Variants in RCSD1 observed in about 807,000 individuals in gnomAD.
The protein encoded by RCSD1 is capZ-interacting protein.
RCSD1 carries 26 observed loss-of-function variants against 42.5 expected under a neutral mutation model. The ratio of observed to expected loss-of-function variants is 0.61; its 90% CI spans 0.45 to 0.85. The LOEUF (loss-of-function observed/expected upper bound fraction) is 0.85. Ranked by LOEUF, RCSD1 falls within the 40% of genes least tolerant of loss-of-function variation. The probability of loss-of-function intolerance (pLI) is 0.00; values close to 1 mark genes in which losing one functional copy is unlikely to be tolerated. For missense variants in RCSD1, 571 were observed against 528.3 expected (o/e 1.08, Z -0.79); for synonymous variants, 220 against 212.2 (o/e 1.04, Z -0.32).
At chr1:167,698,098 G>A (rs374426518) in intron 6 of RCSD1, among the ~76,000 whole-genome samples, 80 of 152,308 alleles carry the variant, frequency 5.3e-4, no homozygotes, top group African/African-American at 1.9e-3. Flanking sequence ...AAGCTTCTGG[G>A]TGTGTGTGAG....
chr1:167,657,383 G>A (rs1269220034), intron 1 of RCSD1, among the ~76,000 whole-genome samples: 2 of 152,182 alleles, frequency 1.3e-5, no homozygotes, highest in African/African-American at 4.8e-5. Context: ...ATGCTGAGAT[G>A]ACAGGGCCCA....
chr1:167,658,693 AG>A (rs1329567094), intron 1 of RCSD1, among the ~76,000 whole-genome samples: 9 of 152,064 alleles, frequency 5.9e-5, no homozygotes, highest in Non-Finnish European at 5.9e-5. Flanking sequence ...GGCCTCCCAA[AG>A]TGCTGGGATT....
chr1:167,671,231 G>A (rs1473473139), intron 1 of RCSD1, among the ~76,000 whole-genome samples: 1 of 152,128 alleles, frequency 6.6e-6, no homozygotes, highest in Non-Finnish European at 1.5e-5. Context: ...TCCTCTAAAT[G>A]TGGGCTATGC....
chr1:167,634,271 C>A (rs761361946), intron 1 of RCSD1, among the ~76,000 whole-genome samples: 2 of 152,124 alleles, frequency 1.3e-5, no homozygotes, highest in Non-Finnish European at 1.5e-5. Context: ...ACTGTCACCC[C>A]GGAAGGCTCC....
intron 1 of RCSD1, among the ~76,000 whole-genome samples, chr1:167,665,950 T>C (rs12736872): frequency 0.061 from 9,317 of 152,238 alleles, 306 homozygotes; most frequent in African/African-American, 0.091. Flanking sequence ...TAGCTGAGAT[T>C]ACAGGCGTGT....
chr1:167,650,826 G>A (rs1397127109), intron 1 of RCSD1, among the ~76,000 whole-genome samples: 1 of 152,200 alleles, frequency 6.6e-6, no homozygotes, highest in Non-Finnish European at 1.5e-5. Context: ...ATAAGGAGGG[G>A]GGCAGCCCCA....
intron 1 of RCSD1, among the ~76,000 whole-genome samples, chr1:167,636,930 T>G (rs765280866): frequency 2.6e-5 from 4 of 152,202 alleles, no homozygotes; most frequent in African/African-American, 7.2e-5. Context: ...GAGCCCTTAC[T>G]GCCTGCCAGG....
chr1:167,697,910 C>T, intron 6 of RCSD1, 68 bp downstream of exon 6: 2 of 1,430,360 alleles, frequency 1.4e-6, no homozygotes, highest in Non-Finnish European at 1.8e-6. Flanking sequence ...TGTCACATGT[C>T]CTGTTCCGTA....
intron 1 of RCSD1, chr1:167,642,133 A>C (rs4656547): frequency 0.7 from 106,314 of 152,114 alleles, 37,280 homozygotes; most frequent in East Asian, 0.8. Context: ...CATGGCTCCA[A>C]TTAACCATAG....
chr1:167,700,497 A>C (rs970997619), intron 6 of RCSD1, among the ~76,000 whole-genome samples: 2 of 152,034 alleles, frequency 1.3e-5, no homozygotes, highest in African/African-American at 4.8e-5. Flanking sequence ...AAATACAAAA[A>C]AAAATTAGCC....
At chr1:167,675,472 T>C (rs1367948956) in intron 1 of RCSD1, among the ~76,000 whole-genome samples, 1 of 152,048 alleles carries the variant, frequency 6.6e-6, no homozygotes, top group Non-Finnish European at 1.5e-5. Flanking sequence ...ATAATTCAAT[T>C]ACCTCCCACC....
At chr1:167,647,034 GC>G (rs1387196855) in intron 1 of RCSD1, among the ~76,000 whole-genome samples, 1 of 151,610 alleles carries the variant, frequency 6.6e-6, no homozygotes, top group Non-Finnish European at 1.5e-5. Flanking sequence ...GGAGGCTGTG[GC>G]AGGAGAATCG....
At chr1:167,663,178 C>T (rs1018739881) in intron 1 of RCSD1, among the ~76,000 whole-genome samples, 2 of 152,166 alleles carry the variant, frequency 1.3e-5, no homozygotes, top group African/African-American at 2.4e-5. Context: ...GACTTAACCC[C>T]GTAGTCCCAC....
In RCSD1 at chr1:167,697,386, C is replaced by A; in HGVS notation, c.762C>A (p.Ala254=). 1.2e-6 allele frequency: 2 copies of A among 1,613,722 alleles called. No homozygotes were observed. The highest frequency in any genetic ancestry group is 2.2e-5 in the South Asian group (2 of 91,032). The change falls in exon 6 of 7, where the codon GCC becomes GCA. Residue 254 remains alanine (A), a synonymous_variant. Transcript: ENST00000367854. ...CAGAGAAGCAGGAGGAGGACAGGGC[C>A]ACAGAGGAAGCCAAGAACGGTGAAA... is the stretch of plus-strand genomic sequence containing the variant. The part of the protein sequence containing the change: ...SRTEKQEEDR[A]TEEAKNGEKA...
chr1:167,637,137 G>T (rs1657880447), intron 1 of RCSD1, among the ~76,000 whole-genome samples: 1 of 152,278 alleles, frequency 6.6e-6, no homozygotes, highest in Non-Finnish European at 1.5e-5. Flanking sequence ...ATCTTGAGGG[G>T]TGAGTAAGAG....
chr1:167,670,067 TG>T (rs1197387679), intron 1 of RCSD1, among the ~76,000 whole-genome samples: 2 of 152,084 alleles, frequency 1.3e-5, no homozygotes, highest in African/African-American at 4.8e-5. Context: ...GGTACTTGTG[TG>T]GGCCTCCAGG....
chr1:167,646,670 C>G (rs917909966), intron 1 of RCSD1, among the ~76,000 whole-genome samples: 2 of 152,108 alleles, frequency 1.3e-5, no homozygotes. Context: ...TCCTGATGCT[C>G]GAGTTTCTAA....
chr1:167,690,491 T>C (rs1659348748), intron 4 of RCSD1, among the ~76,000 whole-genome samples: 1 of 152,016 alleles, frequency 6.6e-6, no homozygotes, highest in Non-Finnish European at 1.5e-5. Flanking sequence ...CTGGGCAACA[T>C]AGTGAGACAC....
intron 1 of RCSD1, among the ~76,000 whole-genome samples, chr1:167,652,676 G>A (rs988453263): frequency 6.6e-6 from 1 of 152,128 alleles, no homozygotes; most frequent in Non-Finnish European, 1.5e-5. Context: ...TTGATTTGCT[G>A]TTATGTGACT....
Sources: gnomAD v4.1 joint callset for allele counts (sites outside exome capture counted in the v4.1 genomes callset) on GRCh38, gnomAD v4.1.1 for gene constraint, MANE v1.5 for transcripts, NCBI Gene and HGNC (gene_info 2026-07-23, HGNC 2026-07-21) for gene names.